ZFAT: variants seen among roughly 807,000 people sequenced by gnomAD.
ZFAT encodes the protein zinc finger and AT-hook domain containing.
A neutral mutation model predicts 117.7 loss-of-function variants in ZFAT; 64 were observed. The ratio of observed to expected loss-of-function variants is 0.54; its 90% CI spans 0.44 to 0.67. The LOEUF (loss-of-function observed/expected upper bound fraction) is 0.67. Ranked by LOEUF, ZFAT falls within the 30% of genes least tolerant of loss-of-function variation. The probability of loss-of-function intolerance (pLI) is 0.00; values close to 1 mark genes in which losing one functional copy is unlikely to be tolerated. For synonymous variants in ZFAT, 679 were observed against 615.0 expected (o/e 1.10, Z -1.54); for missense variants, 1,433 against 1,584.5 (o/e 0.90, Z 1.62).
intron 1 of ZFAT, among the ~76,000 whole-genome samples, chr8:134,667,744 G>A (rs1329059736): frequency 2.0e-5 from 3 of 152,078 alleles, no homozygotes; most frequent in African/African-American, 7.2e-5. Context: ...TGTCACTGGG[G>A]CTCGTCGGAT....
chr8:134,668,681 T>G (rs1335868122), intron 1 of ZFAT, among the ~76,000 whole-genome samples: 1 of 152,212 alleles, frequency 6.6e-6, no homozygotes, highest in Admixed American at 6.5e-5. Context: ...CTGAAAATTC[T>G]AAAAATCAGA....
the ZFAT span, among the ~76,000 whole-genome samples, chr8:134,798,662 C>T: frequency 5.3e-5 from 8 of 152,008 alleles, no homozygotes; most frequent in South Asian, 1.7e-3. Context: ...CCCACATGAT[C>T]AAAGACCTTA....
At chr8:134,782,774 ATTAAACCTCTTTTTCT>A in the ZFAT span, among the ~76,000 whole-genome samples, 2 of 151,890 alleles carry the variant, frequency 1.3e-5, no homozygotes, top group Admixed American at 6.6e-5. Flanking sequence ...CTATGAGTCC[ATTAAACCTCTTTTTCT>A]TTATAAATTA....
At chr8:134,488,686 A>G (rs1269742517) in intron 15 of ZFAT, among the ~76,000 whole-genome samples, 5 of 151,976 alleles carry the variant, frequency 3.3e-5, no homozygotes, top group Admixed American at 2.6e-4. Context: ...CCCTGCCACC[A>G]ACAGGCTGCA....
chr8:134,774,578 T>C, the ZFAT span, among the ~76,000 whole-genome samples: 1 of 152,190 alleles, frequency 6.6e-6, no homozygotes, highest in Non-Finnish European at 1.5e-5. Context: ...TTAAGATATG[T>C]ACACTTTTTA....
At chr8:134,726,473 T>A in the ZFAT span, among the ~76,000 whole-genome samples, 2 of 152,250 alleles carry the variant, frequency 1.3e-5, no homozygotes, top group Non-Finnish European at 1.5e-5. Context: ...TAGAAGAAGG[T>A]CATATATACC....
intron 12 of ZFAT, among the ~76,000 whole-genome samples, chr8:134,529,229 C>G (rs1586649909): frequency 6.6e-6 from 1 of 152,194 alleles, no homozygotes; most frequent in South Asian, 2.1e-4. Context: ...GGAAAGCCCA[C>G]TAAACCCCAT....
intron 5 of ZFAT, among the ~76,000 whole-genome samples, chr8:134,607,307 G>A (rs1343588376): frequency 6.6e-6 from 1 of 152,142 alleles, no homozygotes; most frequent in African/African-American, 2.4e-5. Context: ...AAATTCAATT[G>A]TTCACATTTA....
chr8:134,792,493 T>C, the ZFAT span: 1 of 152,242 alleles, frequency 6.6e-6, no homozygotes, highest in Non-Finnish European at 1.5e-5. Flanking sequence ...TTGTTTTTCA[T>C]TACCTAACCA....
At chr8:134,760,146 C>A in the ZFAT span, among the ~76,000 whole-genome samples, 3 of 150,590 alleles carry the variant, frequency 2.0e-5, no homozygotes, top group Non-Finnish European at 4.4e-5. Context: ...CGGGCACCTG[C>A]AGTCCCAGCT....
At chr8:134,770,632 C>T in the ZFAT span, among the ~76,000 whole-genome samples, 1 of 152,170 alleles carries the variant, frequency 6.6e-6, no homozygotes. Flanking sequence ...AAGATAACAG[C>T]AATGTTTAGG....
At chr8:134,517,661 C>T (rs907052704) in intron 13 of ZFAT, among the ~76,000 whole-genome samples, 1 of 152,222 alleles carries the variant, frequency 6.6e-6, no homozygotes, top group East Asian at 1.9e-4. Flanking sequence ...GTTTCAGGAT[C>T]CAATTCTGCA....
chr8:134,707,251 C>T (rs1359200143), intron 1 of ZFAT, among the ~76,000 whole-genome samples: 1 of 152,160 alleles, frequency 6.6e-6, no homozygotes, highest in East Asian at 1.9e-4. Context: ...CCTCAATACT[C>T]AAGGCTTACT....
chr8:134,548,455 G>A (rs987750496), intron 11 of ZFAT, among the ~76,000 whole-genome samples: 18 of 152,172 alleles, frequency 1.2e-4, no homozygotes, highest in South Asian at 2.1e-4. Flanking sequence ...GAGGCGGCAC[G>A]GGAACCAGAG....
At chr8:134,803,660 G>A in the ZFAT span, among the ~76,000 whole-genome samples, 1 of 152,162 alleles carries the variant, frequency 6.6e-6, no homozygotes, top group Non-Finnish European at 1.5e-5. Flanking sequence ...ACTACATTAT[G>A]ACCAAAACTG....
At chr8:134,635,644 A>AGAGG (rs1041164070) in intron 3 of ZFAT, among the ~76,000 whole-genome samples, 2 of 63,898 alleles carry the variant, frequency 3.1e-5, no homozygotes, top group African/African-American at 1.3e-4. Context: ...AGTCAGGGAG[A>AGAGG]GAGGGAGAGA....
chr8:134,814,775 C>T, the ZFAT span, among the ~76,000 whole-genome samples: 7 of 152,204 alleles, frequency 4.6e-5, no homozygotes, highest in Non-Finnish European at 8.8e-5. Flanking sequence ...AAGGGAGCAA[C>T]TGTTTGACAC....
intron 1 of ZFAT, among the ~76,000 whole-genome samples, chr8:134,681,394 A>G (rs1372331385): frequency 1.3e-5 from 2 of 152,288 alleles, no homozygotes; most frequent in East Asian, 3.9e-4. Context: ...TGTACTCATT[A>G]CCTGCAGTGA....
chr8:134,805,830 A>G, the ZFAT span, among the ~76,000 whole-genome samples: 1 of 152,054 alleles, frequency 6.6e-6, no homozygotes, highest in South Asian at 2.1e-4. Context: ...AACATACAAC[A>G]TATTAGCTGG....
Sources: allele counts gnomAD v4.1 joint callset (sites outside exome capture counted in the v4.1 genomes callset), GRCh38; gene constraint gnomAD v4.1.1; transcripts MANE v1.5; gene names NCBI Gene and HGNC (gene_info 2026-07-23, HGNC 2026-07-21).